MACIR: variants seen among roughly 807,000 people sequenced by gnomAD.
MACIR encodes UNC119-binding protein C5orf30.
In MACIR, 4 loss-of-function variants were observed where a neutral mutation model predicts 14.3. That is an observed-to-expected ratio of 0.28 (90% CI 0.14 to 0.64). The LOEUF is 0.64. Ranked by LOEUF, MACIR falls within the 30% of genes least tolerant of loss-of-function variation. MACIR has a pLI of 0.83. For missense variants in MACIR, 228 were observed against 257.6 expected (o/e 0.89, Z 0.79); for synonymous variants, 101 against 102.4 (o/e 0.99, Z 0.08).
rs1805412284 is a variant in MACIR at position 103,278,462 on chromosome 5, A to G, written c.*1922A>G. 6.0e-6 allele frequency: 1 copy of G among 167,024 alleles called. No homozygotes were observed. The highest frequency in any genetic ancestry group is 2.1e-4 in the South Asian group (1 of 4,828). 10.3% of individuals were successfully genotyped at this position (167,024 alleles called of 1,614,324 possible). ...ACTGAAGCACTTATTTTAAGGCCCT[A>G]TTTTTCTTAAACAAAACAGTGACAA... On this transcript the variant is annotated 3_prime_UTR_variant, in exon 3 of 3. Coordinates refer to ENST00000319933, the MANE Select transcript of MACIR (RefSeq NM_033211.4).
At chr5:103,269,789 T>C (rs1299195967) in intron 2 of MACIR, among the ~76,000 whole-genome samples, 3 of 152,214 alleles carry the variant, frequency 2.0e-5, no homozygotes, top group Non-Finnish European at 4.4e-5. Flanking sequence ...CTGTTTGCTT[T>C]AGTCTCAGCC....
At chr5:103,266,336 T>G (rs73194342) in intron 2 of MACIR, among the ~76,000 whole-genome samples, 2,651 of 152,236 alleles carry the variant, frequency 0.017, 67 homozygotes, top group African/African-American at 0.061. Context: ...CAAATTTTAG[T>G]AAAAACATTA....
chr5:103,259,352 C>T lies in MACIR; in HGVS notation c.-114+456C>T, dbSNP rs193032746. On this transcript the variant is annotated intron_variant, in intron 1 of 2. Coordinates refer to ENST00000319933, the MANE Select transcript of MACIR (RefSeq NM_033211.4). ...TGGGGAGGTGCGGGGACTCGGCGACCCGGAGCGCCTCTCCCGCGGTGCCGC... is the reference window on the plus strand; with the variant it reads ...TGGGGAGGTGCGGGGACTCGGCGACTCGGAGCGCCTCTCCCGCGGTGCCGC... 4.6e-3 allele frequency: 704 copies of T among 152,084 alleles called. 3 individuals carry two copies. Among genetic ancestry groups the T allele is most frequent in the Middle Eastern group, 0.021 (6 of 292 alleles). The allele number at this position is 152,084 out of a possible 1,614,324, so 9.4% of individuals were successfully genotyped here. A position where few individuals can be genotyped will look rare whatever the true frequency, so the allele number is the denominator to read the frequency against.
At chr5:103,271,851 C>T (rs1805139109) in intron 2 of MACIR, among the ~76,000 whole-genome samples, 1 of 152,054 alleles carries the variant, frequency 6.6e-6, no homozygotes, top group Non-Finnish European at 1.5e-5. Context: ...AATACTTTTT[C>T]TATTTTCTAT....
At chr5:103,265,277 A>G (rs1453771937) in intron 1 of MACIR, among the ~76,000 whole-genome samples, 2 of 152,144 alleles carry the variant, frequency 1.3e-5, no homozygotes, top group Non-Finnish European at 2.9e-5. Context: ...AAAGATTTAC[A>G]TTGTTGCTGC....
Position 103,276,580 on chromosome 5 carries a change from C to T in MACIR, c.*40C>T, listed in dbSNP as rs368489158. The T allele has an allele frequency of 5.0e-5, 78 of 1,555,180 alleles. No homozygotes were observed. The African/African-American group carries it at 5.2e-4, about 10-fold the overall frequency. On this transcript the variant is annotated 3_prime_UTR_variant, in exon 3 of 3. Transcript: ENST00000319933. ...GCTTAAACCAATTTAGGTCAGCCTA[C>T]GCTTGGCTAGAAAAAACCCACTGCT...
intron 2 of MACIR, among the ~76,000 whole-genome samples, chr5:103,268,000 A>C (rs403214): frequency 0.018 from 2,666 of 152,104 alleles, 84 homozygotes; most frequent in African/African-American, 0.061. Context: ...CTTTCACTTA[A>C]TGTTTCCCCA....
chr5:103,276,829 C>A lies in MACIR; in HGVS notation c.*289C>A, dbSNP rs927349408. ...AAAGGCTTTGGTACAGTAATTTCAT[C>A]TTTATGATTCTGACACTCAAATTGG... On this transcript the variant is annotated 3_prime_UTR_variant, in exon 3 of 3. Coordinates refer to ENST00000319933, the MANE Select transcript of MACIR (RefSeq NM_033211.4). The A allele has an allele frequency of 6.3e-5, 16 of 252,882 alleles. No individual in the cohort carries two copies. The highest frequency in any genetic ancestry group is 1.0e-4 in the Non-Finnish European group (13 of 123,816). 15.7% of individuals were successfully genotyped at this position (252,882 alleles called of 1,614,324 possible). A position where few individuals can be genotyped will look rare whatever the true frequency, so the allele number is the denominator to read the frequency against.
intron 1 of MACIR, among the ~76,000 whole-genome samples, chr5:103,261,697 T>C (rs374743720): frequency 3.8e-4 from 42 of 109,966 alleles, no homozygotes; most frequent in Non-Finnish European, 4.9e-4. Flanking sequence ...TTTCTTTCTT[T>C]CTTTCTTCCT....
intron 1 of MACIR, among the ~76,000 whole-genome samples, chr5:103,263,210 C>CTTCTCCTCCTCCTGCTCT (rs1562546560): frequency 7.1e-6 from 1 of 141,074 alleles, no homozygotes; most frequent in African/African-American, 2.6e-5. Context: ...CCTCCTCCTC[C>CTTCTCCTCCTCCTGCTCT]TCCTCCTCCT....
chr5:103,261,674 C>CTTTTCT (rs1280760323), intron 1 of MACIR, among the ~76,000 whole-genome samples: 1 of 125,008 alleles, frequency 8.0e-6, no homozygotes, highest in African/African-American at 3.2e-5. Flanking sequence ...TTCTTTCTTT[C>CTTTTCT]TTTCTTTCTT....
In MACIR at chr5:103,276,323, A is replaced by G. The variant is rs1554237719; in HGVS notation, c.404A>G (p.Asp135Gly). The G allele has an allele frequency of 1.2e-6, 2 of 1,612,678 alleles. No homozygotes were observed. Among genetic ancestry groups the G allele is most frequent in the East Asian group, 2.2e-5 (1 of 44,854 alleles). The change falls in exon 3 of 3, where the codon GAC becomes GGC. Residue 135 changes from aspartate (D) to glycine (G), a missense_variant. Coordinates refer to ENST00000319933, the MANE Select transcript of MACIR (RefSeq NM_033211.4). Reference protein sequence around the residue: ...RRRRRMPSSGDKCTKSLPYEP... With the variant: ...RRRRRMPSSGGKCTKSLPYEP... Reference sequence around the variant, plus strand: ...CGAAGGCGGATGCCAAGCTCAGGAGACAAGTGCACTAAATCTTTACCTTAT... The same window carrying G: ...CGAAGGCGGATGCCAAGCTCAGGAGGCAAGTGCACTAAATCTTTACCTTAT...
At chr5:103,266,051 A>G (rs1472234322) in intron 2 of MACIR, 54 bp downstream of exon 2, 1 of 152,162 alleles carries the variant, frequency 6.6e-6, no homozygotes, top group Admixed American at 6.6e-5. Context: ...ACACAATACC[A>G]TAATGTGTTT....
chr5:103,276,696 A>T lies in MACIR; in HGVS notation c.*156A>T, dbSNP rs1805348599. Reference sequence around the variant, plus strand: ...AATTGTTTGGGTCAAATTTGAATACAGGAATGAAATCACAGGTACTTGGGG... The same window carrying T: ...AATTGTTTGGGTCAAATTTGAATACTGGAATGAAATCACAGGTACTTGGGG... On this transcript the variant is annotated 3_prime_UTR_variant, in exon 3 of 3. Transcript: ENST00000319933. 1 of 626,214 alleles carries T rather than the reference A, an allele frequency of 1.6e-6. No individual in the cohort carries two copies. 38.8% of individuals were successfully genotyped at this position (626,214 alleles called of 1,614,324 possible). A position where few individuals can be genotyped will look rare whatever the true frequency, so the allele number is the denominator to read the frequency against.
intron 2 of MACIR, among the ~76,000 whole-genome samples, chr5:103,273,973 C>T (rs1023688271): frequency 2.0e-5 from 3 of 152,018 alleles, no homozygotes; most frequent in Non-Finnish European, 2.9e-5. Context: ...GTGTGGTGCC[C>T]AGTCTTGGTG....
chr5:103,276,326 A>C lies in MACIR; in HGVS notation c.407A>C (p.Lys136Thr). The C allele has an allele frequency of 6.2e-7, 1 of 1,613,086 alleles. No individual in the cohort carries two copies. The highest frequency in any genetic ancestry group is 8.5e-7 in the Non-Finnish European group (1 of 1,179,890). Residue 136 changes from lysine to threonine, a missense_variant, in exon 3 of 3, where the codon AAG (lysine) becomes ACG (threonine). Coordinates refer to ENST00000319933, the MANE Select transcript of MACIR (RefSeq NM_033211.4). Reference protein sequence around the residue: ...RRRRMPSSGDKCTKSLPYEPY... With the variant: ...RRRRMPSSGDTCTKSLPYEPY... The stretch of plus-strand genomic sequence containing the variant: ...AGGCGGATGCCAAGCTCAGGAGACA[A>C]GTGCACTAAATCTTTACCTTATGAA...
rs186169309 is a variant in MACIR at position 103,273,413 on chromosome 5, A to G, written c.-23-2484A>G. On this transcript the variant is annotated intron_variant, in intron 2 of 2. Coordinates refer to ENST00000319933, the MANE Select transcript of MACIR (RefSeq NM_033211.4). Reference sequence around the variant, plus strand: ...ACTGATGAGTTACTTGTCTAACAATAGTGTCTATTTCTTATCAAATCAGAT... The same window carrying G: ...ACTGATGAGTTACTTGTCTAACAATGGTGTCTATTTCTTATCAAATCAGAT... Among the ~76,000 whole-genome samples the G allele has an allele frequency of 4.6e-5, 7 of 152,062 alleles. No homozygotes were observed. In the East Asian group the frequency reaches 1.4e-3, roughly 29 times the overall value.
intron 2 of MACIR, among the ~76,000 whole-genome samples, chr5:103,267,219 A>G (rs1192656859): frequency 6.6e-6 from 1 of 152,144 alleles, no homozygotes; most frequent in Non-Finnish European, 1.5e-5. Flanking sequence ...TAAGTCTCTG[A>G]TACAAAAATG....
At chr5:103,273,063 G>T (rs1464444033) in intron 2 of MACIR, among the ~76,000 whole-genome samples, 23 of 152,236 alleles carry the variant, frequency 1.5e-4, no homozygotes, top group Admixed American at 1.4e-3. Context: ...CTAGAATACT[G>T]ACCTGTTTTG....
Sources: gnomAD v4.1 joint callset for allele counts (sites outside exome capture counted in the v4.1 genomes callset) on GRCh38, gnomAD v4.1.1 for gene constraint, MANE v1.5 for transcripts, NCBI Gene and HGNC (gene_info 2026-07-23, HGNC 2026-07-21) for gene names.